SPAG17: variants seen among roughly 807,000 people sequenced by gnomAD.
SPAG17 encodes the protein sperm-associated antigen 17.
Under a neutral mutation model 273.6 loss-of-function variants are expected in SPAG17, and 169 were observed. The observed-to-expected ratio is 0.62, with a 90% confidence interval of 0.55 to 0.70. The LOEUF is 0.70. Ranked by LOEUF, SPAG17 falls within the 30% of genes least tolerant of loss-of-function variation. SPAG17 has a pLI of 0.00. For missense variants in SPAG17, 2,557 were observed against 2,627.8 expected (o/e 0.97, Z 0.59); for synonymous variants, 825 against 873.2 (o/e 0.94, Z 0.97).
At chr1:118,177,899 GAAT>G (rs1660769509) in intron 1 of SPAG17, among the ~76,000 whole-genome samples, 1 of 151,954 alleles carries the variant, frequency 6.6e-6, no homozygotes, top group South Asian at 2.1e-4. Context: ...AACCAATAAT[GAAT>G]AATAAGATTG....
chr1:118,151,148 G>T (rs1012350566), intron 2 of SPAG17, 81 bp downstream of exon 2: 18 of 1,186,440 alleles, frequency 1.5e-5, no homozygotes, highest in Non-Finnish European at 1.8e-5. Flanking sequence ...CCAAGAATAT[G>T]ATAGTTTATT....
chr1:118,148,102 G>T (rs912223550), intron 3 of SPAG17, among the ~76,000 whole-genome samples: 1 of 152,168 alleles, frequency 6.6e-6, no homozygotes, highest in African/African-American at 2.4e-5. Context: ...TGTAACAAAA[G>T]GAATTTGTTA....
intron 21 of SPAG17, 132 bp downstream of exon 21, chr1:118,041,671 C>T: frequency 8.3e-7 from 1 of 1,201,490 alleles, no homozygotes; most frequent in Non-Finnish European, 1.2e-6. Flanking sequence ...CAGGTTTGAG[C>T]TCATTAATAC....
intron 3 of SPAG17, among the ~76,000 whole-genome samples, chr1:118,149,433 T>C (rs755173107): frequency 6.6e-6 from 1 of 152,190 alleles, no homozygotes; most frequent in African/African-American, 2.4e-5. Context: ...TGGATTTCTA[T>C]AGCCACTCAC....
intron 42 of SPAG17, 35 bp from the exon 43 acceptor site, chr1:117,981,436 T>C (rs150063274): frequency 1.7e-4 from 270 of 1,572,410 alleles, no homozygotes; most frequent in Middle Eastern, 6.7e-4. Flanking sequence ...TAAAGTGATA[T>C]TTTGTAAAAT....
In SPAG17 at chr1:118,035,925, G is replaced by C. The variant is rs79871959; in HGVS notation, c.3433+845C>G. On this transcript the variant is annotated intron_variant, in intron 24 of 48. Coordinates refer to ENST00000336338, the MANE Select transcript of SPAG17 (RefSeq NM_206996.4). ...ATGGGGTAGAAGGCCAGGTGCAGTGGTTCACGTTTGTAATCCCAGCACTTT... is the reference window on the plus strand; with the variant it reads ...ATGGGGTAGAAGGCCAGGTGCAGTGCTTCACGTTTGTAATCCCAGCACTTT... Among the ~76,000 whole-genome samples the C allele has an allele frequency of 4.6e-3, 707 of 152,280 alleles. 5 individuals carry two copies. Among genetic ancestry groups the C allele is most frequent in the African/African-American group, 0.016 (674 of 41,560 alleles).
chr1:117,999,024 C>G (rs1392538396), intron 32 of SPAG17, among the ~76,000 whole-genome samples: 1 of 151,364 alleles, frequency 6.6e-6, no homozygotes, highest in Non-Finnish European at 1.5e-5. Context: ...TGTTCCCCGC[C>G]CTGTGTCCAA....
chr1:117,991,792 GCACTTAAGTGTCCT>G (rs1476852688), intron 36 of SPAG17, among the ~76,000 whole-genome samples: 1 of 152,138 alleles, frequency 6.6e-6, no homozygotes, highest in Non-Finnish European at 1.5e-5. Flanking sequence ...TTCTAACTGT[GCACTTAAGTGTCCT>G]CATCAATAAA....
chr1:118,133,808 G>A (rs1291013330), intron 3 of SPAG17, among the ~76,000 whole-genome samples: 2 of 152,112 alleles, frequency 1.3e-5, no homozygotes, highest in African/African-American at 4.8e-5. Flanking sequence ...CCTAATATCT[G>A]TTGTGAAATT....
At position 117,991,579 on chromosome 1, in the gene SPAG17, A is replaced by G. The variant is rs1160044294; in HGVS notation, c.5362-51T>C. 5 of 1,161,686 alleles carry G rather than the reference A, an allele frequency of 4.3e-6. No individual in the cohort carries two copies. In the South Asian group the frequency reaches 6.8e-5, roughly 16 times the overall value. 72.0% of individuals were successfully genotyped at this position (1,161,686 alleles called of 1,614,324 possible). ...GACAAAAACTAGGAATTAGGAAGAG[A>G]GAGATACAAAAATGGTCATCAACTT... On this transcript the variant is annotated intron_variant, in intron 36 of 48. Transcript: ENST00000336338.
At chr1:118,031,338 T>C (rs946688367) in intron 25 of SPAG17, among the ~76,000 whole-genome samples, 6 of 152,082 alleles carry the variant, frequency 3.9e-5, no homozygotes, top group Admixed American at 3.9e-4. Context: ...TTGTTATTTA[T>C]CACAGTGGAG....
At chr1:118,014,487 A>C (rs1659771088) in intron 29 of SPAG17, among the ~76,000 whole-genome samples, 1 of 152,228 alleles carries the variant, frequency 6.6e-6, no homozygotes, top group Non-Finnish European at 1.5e-5. Context: ...ACAAACATTA[A>C]AAAACCTCGG....
At chr1:118,162,655 C>T (rs962516475) in intron 1 of SPAG17, among the ~76,000 whole-genome samples, 12 of 152,156 alleles carry the variant, frequency 7.9e-5, no homozygotes, top group Admixed American at 7.2e-4. Context: ...ATATTTACTA[C>T]GTGGGTACCT....
chr1:118,101,953 C>T, intron 4 of SPAG17, 27 bp from the exon 5 acceptor site: 1 of 1,582,386 alleles, frequency 6.3e-7, no homozygotes, highest in Non-Finnish European at 8.6e-7. Flanking sequence ...CTTTTTTCTC[C>T]AAATCAAACA....
chr1:118,052,081 T>C (rs1651109975), intron 20 of SPAG17, among the ~76,000 whole-genome samples: 1 of 142,344 alleles, frequency 7.0e-6, no homozygotes, highest in Admixed American at 7.1e-5. Flanking sequence ...ATATATAATA[T>C]GGTTTATATA....
chr1:118,049,175 C>T (rs539660080), intron 20 of SPAG17, among the ~76,000 whole-genome samples: 18 of 152,182 alleles, frequency 1.2e-4, no homozygotes, highest in African/African-American at 4.1e-4. Context: ...TTCTTCTCAC[C>T]CTATGAAAAA....
At chr1:118,105,149 T>C (rs2102230275) in intron 4 of SPAG17, among the ~76,000 whole-genome samples, 1 of 152,114 alleles carries the variant, frequency 6.6e-6, no homozygotes, top group African/African-American at 2.4e-5. Context: ...AGAGACATCT[T>C]GATGGTGTTG....
intron 36 of SPAG17, 135 bp from the exon 37 acceptor site, chr1:117,991,663 G>A: frequency 1.9e-6 from 1 of 528,884 alleles, no homozygotes; most frequent in Non-Finnish European, 3.3e-6. Context: ...CTGTTTACTA[G>A]TCAAACAACC....
intron 18 of SPAG17, among the ~76,000 whole-genome samples, chr1:118,062,149 C>G (rs550054973): frequency 6.6e-6 from 1 of 151,854 alleles, no homozygotes; most frequent in Non-Finnish European, 1.5e-5. Flanking sequence ...GGGCGGATCA[C>G]GAGGTCAGGA....
Sources: gnomAD v4.1 joint callset for allele counts (sites outside exome capture counted in the v4.1 genomes callset) on GRCh38, gnomAD v4.1.1 for gene constraint, MANE v1.5 for transcripts, NCBI Gene and HGNC (gene_info 2026-07-23, HGNC 2026-07-21) for gene names.